The following CTNNA2 variants were observed in gnomAD, a reference collection of about 807,000 sequenced individuals.
CTNNA2 encodes catenin alpha 2, also known as catenin alpha-2.
In CTNNA2, 42 loss-of-function variants were observed where a neutral mutation model predicts 101.0. The ratio of observed to expected loss-of-function variants is 0.42; its 90% CI spans 0.32 to 0.54. The LOEUF is 0.54. Ranked by LOEUF, CTNNA2 falls within the 20% of genes least tolerant of loss-of-function variation. The pLI is 0.14. For missense variants in CTNNA2, 871 were observed against 1,223.1 expected, an observed-to-expected ratio of 0.71 and a Z score of 4.29; for synonymous variants, 450 against 456.4, an observed-to-expected ratio of 0.99 and a Z score of 0.18.
chr2:79,737,042 G>A (rs965258593), intron 2 of CTNNA2, among the ~76,000 whole-genome samples: 1 of 152,114 alleles, frequency 6.6e-6, no homozygotes, highest in Non-Finnish European at 1.5e-5. Flanking sequence ...TGAGAGGAAG[G>A]GTTTACCTGT....
intron 2 of CTNNA2, among the ~76,000 whole-genome samples, chr2:79,662,953 G>T (rs986887395): frequency 1.3e-5 from 2 of 152,088 alleles, no homozygotes; most frequent in African/African-American, 4.8e-5. Flanking sequence ...AAATGTTCAC[G>T]CTGTTCAGGC....
chr2:80,606,997 T>C (rs576293703), intron 16 of CTNNA2, among the ~76,000 whole-genome samples: 1 of 151,938 alleles, frequency 6.6e-6, no homozygotes, highest in Non-Finnish European at 1.5e-5. Context: ...TGGAATTCTT[T>C]CTTGATAAAT....
intron 12 of CTNNA2, among the ~76,000 whole-genome samples, chr2:80,558,754 C>T (rs1258834133): frequency 6.6e-6 from 1 of 151,934 alleles, no homozygotes; most frequent in Non-Finnish European, 1.5e-5. Flanking sequence ...GGAAAAATGC[C>T]AAGAGGAAAG....
intron 8 of CTNNA2, among the ~76,000 whole-genome samples, chr2:80,408,130 G>A (rs150664522): frequency 8.5e-5 from 13 of 152,262 alleles, no homozygotes; most frequent in African/African-American, 3.1e-4. Flanking sequence ...GTGAACTGAG[G>A]TTTCACTCAT....
intron 2 of CTNNA2, among the ~76,000 whole-genome samples, chr2:79,209,604 G>C (rs1405479898): frequency 6.6e-6 from 1 of 152,150 alleles, no homozygotes; most frequent in East Asian, 1.9e-4. Context: ...GGAAACCAAT[G>C]ATTCACTGTT....
chr2:79,493,581 A>G (rs1459687614), intron 4 of CTNNA2: 1 of 152,378 alleles, frequency 6.6e-6, no homozygotes, highest in South Asian at 2.1e-4. Context: ...GCAACACTGC[A>G]CTCCAGCCTG....
intron 7 of CTNNA2, among the ~76,000 whole-genome samples, chr2:79,925,315 C>T (rs1007580457): frequency 2.0e-5 from 3 of 152,006 alleles, no homozygotes; most frequent in South Asian, 2.1e-4. Flanking sequence ...TATAAACATG[C>T]ACATTGATAT....
chr2:80,618,980 C>G, intron 17 of CTNNA2, 105 bp from the exon 18 acceptor site: 1 of 627,478 alleles, frequency 1.6e-6, no homozygotes, highest in South Asian at 4.2e-5. Flanking sequence ...TCCCAATTAC[C>G]CATTCCCTCT....
At chr2:79,896,619 G>A (rs868851845) in intron 6 of CTNNA2, among the ~76,000 whole-genome samples, 2 of 152,204 alleles carry the variant, frequency 1.3e-5, no homozygotes, top group Non-Finnish European at 2.9e-5. Flanking sequence ...TATAAGGAAA[G>A]CATCCTAACT....
At chr2:80,230,121 G>T (rs189972296) in intron 7 of CTNNA2, among the ~76,000 whole-genome samples, 146 of 152,100 alleles carry the variant, frequency 9.6e-4, no homozygotes, top group African/African-American at 3.5e-3. Flanking sequence ...GTACCATCTA[G>T]GTTTGTGTAA....
At chr2:79,916,233 C>T (rs1312363677) in intron 7 of CTNNA2, among the ~76,000 whole-genome samples, 1 of 152,060 alleles carries the variant, frequency 6.6e-6, no homozygotes, top group Non-Finnish European at 1.5e-5. Context: ...GAATGTTGCC[C>T]ATACCTTTGC....
At chr2:79,218,529 A>T (rs1279707610) in intron 2 of CTNNA2, among the ~76,000 whole-genome samples, 1 of 152,066 alleles carries the variant, frequency 6.6e-6, no homozygotes. Flanking sequence ...TTTGTGAGTT[A>T]AGGAGTAGCA....
chr2:79,410,022 T>A (rs1354504982), intron 4 of CTNNA2, among the ~76,000 whole-genome samples: 1 of 150,356 alleles, frequency 6.7e-6, no homozygotes, highest in Non-Finnish European at 1.5e-5. Context: ...TTCACATCCC[T>A]TGTAAGTTGG....
intron 7 of CTNNA2, among the ~76,000 whole-genome samples, chr2:80,049,613 G>A (rs1191382616): frequency 1.3e-5 from 2 of 152,060 alleles, no homozygotes; most frequent in Admixed American, 6.5e-5. Flanking sequence ...ACTCATGGCC[G>A]GTGCTGCCTT....
chr2:79,254,502 G>T, intron 2 of CTNNA2, among the ~76,000 whole-genome samples: 1 of 152,178 alleles, frequency 6.6e-6, no homozygotes, highest in East Asian at 1.9e-4. Context: ...TGAAGGGCTG[G>T]CTCCTGCTTC....
chr2:79,733,488 G>T (rs756479474), intron 2 of CTNNA2, among the ~76,000 whole-genome samples: 1 of 151,072 alleles, frequency 6.6e-6, no homozygotes, highest in Non-Finnish European at 1.5e-5. Flanking sequence ...CTGTGCATAG[G>T]TGTGTGTGTG....
chr2:80,637,012 T>C (rs1041169758), intron 18 of CTNNA2, among the ~76,000 whole-genome samples: 1 of 152,092 alleles, frequency 6.6e-6, no homozygotes, highest in African/African-American at 2.4e-5. Flanking sequence ...AACTGTAATA[T>C]TCAGGCACTG....
At chr2:79,668,369 A>G (rs1468980146) in intron 2 of CTNNA2, among the ~76,000 whole-genome samples, 5 of 151,108 alleles carry the variant, frequency 3.3e-5, no homozygotes, top group Non-Finnish European at 7.4e-5. Flanking sequence ...GATTTAAGAT[A>G]TTTAAATGAA....
intron 7 of CTNNA2, among the ~76,000 whole-genome samples, chr2:80,214,656 G>A (rs530843862): frequency 2.6e-5 from 4 of 152,100 alleles, no homozygotes; most frequent in Admixed American, 2.0e-4. Flanking sequence ...TCTCTTTGTG[G>A]GTAACCCGAC....
Sources: allele counts gnomAD v4.1 joint callset (sites outside exome capture counted in the v4.1 genomes callset), GRCh38; gene constraint gnomAD v4.1.1; transcripts MANE v1.5; gene names NCBI Gene and HGNC (gene_info 2026-07-23, HGNC 2026-07-21).